Variants in MTG1 observed in about 807,000 individuals in gnomAD.
MTG1 encodes the protein mitochondrial ribosome associated GTPase 1, also known as mitochondrial ribosome-associated GTPase 1.
Under a neutral mutation model 39.5 loss-of-function variants are expected in MTG1, and 30 were observed. That is an observed-to-expected ratio of 0.76 (90% confidence interval 0.57 to 1.03). The LOEUF (loss-of-function observed/expected upper bound fraction) is 1.03, where lower values mean the gene tolerates loss of function less well. MTG1 is among the 50% of genes least tolerant of loss of function. The pLI, the probability that MTG1 is intolerant of heterozygous loss-of-function variation, is 0.00. For missense variants in MTG1, 513 were observed against 447.4 expected, an observed-to-expected ratio of 1.15 and a Z score of -1.32; for synonymous variants, 217 against 179.0, an observed-to-expected ratio of 1.21 and a Z score of -1.69.
chr10:133,395,058 G>A (rs1395754932), intron 1 of MTG1, among the ~76,000 whole-genome samples: 1 of 152,156 alleles, frequency 6.6e-6, no homozygotes, highest in African/African-American at 2.4e-5. Flanking sequence ...GAGGTAGCAG[G>A]GGCCTAATGA....
Position 133,408,415 on chromosome 10 carries a change from G to A in MTG1, c.752+5642G>A, listed in dbSNP as rs144436881. Among the ~76,000 whole-genome samples the A allele has an allele frequency of 3.3e-3, 508 of 152,226 alleles. 2 individuals carry two copies. Among genetic ancestry groups the A allele is most frequent in the African/African-American group, 0.011 (467 of 41,528 alleles). On this transcript the variant is annotated intron_variant, in intron 9 of 10. Transcript: ENST00000317502. ...ACCTTGAGACACATCCCACTTGATC[G>A]TGGTGAATGATCTTTGTAACATGTT...
rs1850216831 is a variant in MTG1 at position 133,420,679 on chromosome 10, G to GTTTATTTCAC, written c.*515_*524dup. 6.5e-6 allele frequency: 1 copy of GTTTATTTCAC among 153,098 alleles called. No homozygotes were observed. 9.5% of individuals were successfully genotyped at this position (153,098 alleles called of 1,614,324 possible). ...TGAGAGGCTTGCTGCCATCAGAGAGGTTTATTTCACACTTACAGGCACACA... is the reference window on the plus strand; with the variant it reads ...TGAGAGGCTTGCTGCCATCAGAGAGGTTTATTTCACTTTATTTCACACTTACAGGCACACA... On this transcript the variant is annotated 3_prime_UTR_variant, in exon 11 of 11. Coordinates refer to ENST00000317502, the MANE Select transcript of MTG1 (RefSeq NM_138384.4).
chr10:133,420,444 C>T lies in MTG1; in HGVS notation c.*279C>T, dbSNP rs553219018. The T allele has an allele frequency of 7.4e-6, 3 of 408,120 alleles. No homozygotes were observed. The highest frequency in any genetic ancestry group is 2.0e-5 in the African/African-American group (1 of 49,152). 25.3% of individuals were successfully genotyped at this position (408,120 alleles called of 1,614,324 possible). A position where few individuals can be genotyped will look rare whatever the true frequency, so the allele number is the denominator to read the frequency against. ...GCTCAGGCCTCTTGAGAAATGGATG[C>T]TGTCTCAGAAGGAGTTAAAGCTATA... On this transcript the variant is annotated 3_prime_UTR_variant, in exon 11 of 11. Transcript: ENST00000317502.
At chr10:133,401,470 T>C (rs1471335787) in intron 6 of MTG1, 59 bp from the exon 7 acceptor site, 1 of 1,442,794 alleles carries the variant, frequency 6.9e-7, no homozygotes, top group Non-Finnish European at 9.4e-7. Flanking sequence ...TCTCCCTACT[T>C]GTTCTGCAGC....
intron 7 of MTG1, 185 bp downstream of exon 7, chr10:133,401,775 C>T (rs111724804): frequency 3.9e-5 from 28 of 721,382 alleles, no homozygotes; most frequent in Middle Eastern, 2.3e-4. Flanking sequence ...ATAGTCTTTG[C>T]GCCAAACCTT....
chr10:133,399,703 G>A (rs991585528), intron 6 of MTG1, 84 bp downstream of exon 6: 2 of 1,419,172 alleles, frequency 1.4e-6, no homozygotes, highest in Non-Finnish European at 2.0e-6. Context: ...TTCTTGGAGG[G>A]GACGTGCCCG....
chr10:133,398,497 G>A lies in MTG1; in HGVS notation c.345G>A (p.Lys115=). Residue 115 remains lysine (K), a synonymous_variant, in exon 4 of 11, where the codon AAG becomes AAA. Transcript: ENST00000317502. ...LKNVIFTNCV[K]DENVKQIIPM... Reference sequence around the variant, plus strand: ...ATGTCATTTTTACCAACTGTGTAAAGGATGAAAATGTCAAGCAGGTAGGCT... The same window carrying A: ...ATGTCATTTTTACCAACTGTGTAAAAGATGAAAATGTCAAGCAGGTAGGCT... 6.2e-7 allele frequency: 1 copy of A among 1,613,776 alleles called. No homozygotes were observed. The highest frequency in any genetic ancestry group is 8.5e-7 in the Non-Finnish European group (1 of 1,179,938).
At chr10:133,419,888 C>G in intron 10 of MTG1, 138 bp from the exon 11 acceptor site, 1 of 1,100,118 alleles carries the variant, frequency 9.1e-7, no homozygotes. Context: ...AAGCTGTTTT[C>G]TTTCTGAGTG....
intron 9 of MTG1, among the ~76,000 whole-genome samples, chr10:133,409,313 C>T (rs945683909): frequency 1.3e-5 from 2 of 152,074 alleles, no homozygotes; most frequent in African/African-American, 2.4e-5. Context: ...CATTCAGGAG[C>T]GTGTTGTTTA....
chr10:133,420,401 G>T lies in MTG1; in HGVS notation c.*236G>T. On this transcript the variant is annotated 3_prime_UTR_variant, in exon 11 of 11. Transcript: ENST00000317502. ...GTCCCTGAGCAGCTCCGCATGCTTG[G>T]TTCTCCCGGAGCTTCCTGCTCAGGC... is the stretch of plus-strand genomic sequence containing the variant. The T allele has an allele frequency of 2.2e-6, 1 of 445,598 alleles. No individual in the cohort carries two copies. The highest frequency in any genetic ancestry group is 3.9e-6 in the Non-Finnish European group (1 of 254,978). 27.6% of individuals were successfully genotyped at this position (445,598 alleles called of 1,614,324 possible).
rs541008650 is a variant in MTG1, at chr10:133,395,922, C to T, written c.177+145C>T. The T allele has an allele frequency of 6.8e-6, 6 of 886,684 alleles. No homozygotes were observed. In the East Asian group the frequency reaches 7.9e-5, roughly 12 times the overall value. 54.9% of individuals were successfully genotyped at this position (886,684 alleles called of 1,614,324 possible). A position where few individuals can be genotyped will look rare whatever the true frequency, so the allele number is the denominator to read the frequency against. On this transcript the variant is annotated intron_variant, in intron 2 of 10. Transcript: ENST00000317502. ...AATCTGTGATGTGGGGTCCAGACTG[C>T]GTGTCTTTGAAACTTCATTGTTAAT...
intron 9 of MTG1, among the ~76,000 whole-genome samples, chr10:133,409,900 C>CTTT (rs202081065): frequency 7.5e-6 from 1 of 133,052 alleles, no homozygotes; most frequent in Admixed American, 7.4e-5. Context: ...TATTCCTGCT[C>CTTT]TTTTTTTTTT....
rs537829805 is a variant in MTG1 at position 133,399,404 on chromosome 10, C to A, written c.421-125C>A. 7.3e-5 allele frequency: 86 copies of A among 1,184,862 alleles called. No individual in the cohort carries two copies. In the African/African-American group the frequency reaches 1.1e-3, roughly 15 times the overall value. 73.4% of individuals were successfully genotyped at this position (1,184,862 alleles called of 1,614,324 possible). On this transcript the variant is annotated intron_variant, in intron 5 of 10. Coordinates refer to ENST00000317502, the MANE Select transcript of MTG1 (RefSeq NM_138384.4). ...CGTCCCCGCTGGGTGGGCAGAGCCTCGGCGTTAACCTCCCTTCTTCCCTGA... is the reference window on the plus strand; with the variant it reads ...CGTCCCCGCTGGGTGGGCAGAGCCTAGGCGTTAACCTCCCTTCTTCCCTGA...
chr10:133,411,755 CA>C (rs1850050397), intron 9 of MTG1, among the ~76,000 whole-genome samples: 1 of 151,806 alleles, frequency 6.6e-6, no homozygotes, highest in Non-Finnish European at 1.5e-5. Context: ...TATTTTTCAG[CA>C]AATGTATTTT....
chr10:133,414,056 C>T (rs192938750), intron 9 of MTG1, among the ~76,000 whole-genome samples: 1 of 148,978 alleles, frequency 6.7e-6, no homozygotes, highest in Non-Finnish European at 1.5e-5. Flanking sequence ...GGCAGAGGAC[C>T]CTGCGACCTT....
chr10:133,414,860 C>T (rs1850098655), intron 9 of MTG1, among the ~76,000 whole-genome samples: 1 of 152,370 alleles, frequency 6.6e-6, no homozygotes, highest in South Asian at 2.1e-4. Context: ...CACCACTGCA[C>T]TCCAGCCTGG....
At chr10:133,403,436 C>T (rs1296525998) in intron 9 of MTG1, among the ~76,000 whole-genome samples, 1 of 152,216 alleles carries the variant, frequency 6.6e-6, no homozygotes, top group Non-Finnish European at 1.5e-5. Flanking sequence ...CCTTCGTGAT[C>T]ACACCTTCCT....
At chr10:133,414,242 A>C (rs1373582016) in intron 9 of MTG1, among the ~76,000 whole-genome samples, 1 of 151,062 alleles carries the variant, frequency 6.6e-6, no homozygotes, top group East Asian at 1.9e-4. Context: ...GTAAGGTCAC[A>C]GATCAACAGG....
Position 133,410,466 on chromosome 10 carries a change from C to G in MTG1, c.752+7693C>G, listed in dbSNP as rs546033199. Reference sequence around the variant, plus strand: ...CTTGTTTTCTGATTGTAACTCCTCTCTTCCTTTTTTACTGTCTTCCTTCGC... The same window carrying G: ...CTTGTTTTCTGATTGTAACTCCTCTGTTCCTTTTTTACTGTCTTCCTTCGC... On this transcript the variant is annotated intron_variant, in intron 9 of 10. Coordinates refer to ENST00000317502, the MANE Select transcript of MTG1 (RefSeq NM_138384.4). 2.0e-5 allele frequency among the ~76,000 whole-genome samples: 3 copies of G among 152,306 alleles called. No individual in the cohort carries two copies. In the South Asian group the frequency reaches 6.2e-4, roughly 32 times the overall value.
Sources: allele counts gnomAD v4.1 joint callset (sites outside exome capture counted in the v4.1 genomes callset), GRCh38; gene constraint gnomAD v4.1.1; transcripts MANE v1.5; gene names NCBI Gene and HGNC (gene_info 2026-07-23, HGNC 2026-07-21).